Variants in CD36 observed in about 807,000 individuals in gnomAD.
CD36 encodes the protein platelet glycoprotein 4.
A neutral mutation model predicts 55.2 loss-of-function variants in CD36; 119 were observed. The observed-to-expected ratio is 2.15, with a 90% CI of 1.86 to 2.51. The LOEUF (loss-of-function observed/expected upper bound fraction) is 2.51, where lower values mean the gene tolerates loss of function less well. CD36 is among the 30% of genes most tolerant of loss of function. The probability of loss-of-function intolerance (pLI) is 0.00; values close to 1 mark genes in which losing one functional copy is unlikely to be tolerated. For synonymous variants in CD36, 186 were observed against 193.6 expected, an observed-to-expected ratio of 0.96 and a Z score of 0.33; for missense variants, 819 against 555.5, an observed-to-expected ratio of 1.47 and a Z score of -4.77.
chr7:80,651,657 T>A (rs190909971), intron 3 of CD36, among the ~76,000 whole-genome samples: 43 of 152,226 alleles, frequency 2.8e-4, no homozygotes, highest in African/African-American at 7.0e-4. Flanking sequence ...CCTATAATCC[T>A]AGTACTTCGG....
At chr7:80,637,655 TCTAACTTAAGGA>T (rs1415179669), upstream of CD36, among the ~76,000 whole-genome samples, 19 of 152,108 alleles carry the variant, frequency 1.2e-4, no homozygotes, top group African/African-American at 3.6e-4. Flanking sequence ...GCACGAGCAT[TCTAACTTAAGGA>T]CTGGTTTAAA....
At chr7:80,670,311 G>GCA (rs1259293735) in intron 9 of CD36, 5 of 413,704 alleles carry the variant, frequency 1.2e-5, no homozygotes, top group Non-Finnish European at 2.2e-5. Context: ...AGAAGATGAT[G>GCA]CAAATGTAAC....
intron 3 of CD36, among the ~76,000 whole-genome samples, chr7:80,648,971 G>T (rs1299729885): frequency 6.6e-6 from 1 of 152,054 alleles, no homozygotes; most frequent in Non-Finnish European, 1.5e-5. Context: ...TTAACATGGG[G>T]TTAGAGTTAG....
rs916088055 is a variant in CD36 at position 80,613,272 on chromosome 7, CTT to C, written c.-184+10894_-184+10895del. Among the ~76,000 whole-genome samples, 6 of 151,954 alleles carry C rather than the reference CTT, an allele frequency of 3.9e-5. No homozygotes were observed. In the South Asian group the frequency reaches 1.0e-3, roughly 26 times the overall value. On this transcript the variant is annotated intron_variant, in intron 1 of 13. Transcript: ENST00000309881. ...TCAAAGTTTCAGTGCCATATGTAAA[CTT>C]AAGTTTCTCTATTTTTTCTTTTTGC... is the stretch of plus-strand genomic sequence containing the variant.
chr7:80,610,943 A>G (rs1476926279), intron 1 of CD36, among the ~76,000 whole-genome samples: 2 of 151,820 alleles, frequency 1.3e-5, no homozygotes, highest in African/African-American at 2.4e-5. Flanking sequence ...TGGCACAATC[A>G]TAGCTCACTG....
chr7:80,668,355 C>T (rs1797320579), intron 8 of CD36, among the ~76,000 whole-genome samples: 1 of 152,086 alleles, frequency 6.6e-6, no homozygotes, highest in Non-Finnish European at 1.5e-5. Context: ...GGAATTTGGA[C>T]AGAGCAGGGG....
chr7:80,636,462 T>A (rs1794410292), upstream of CD36, among the ~76,000 whole-genome samples: 1 of 149,430 alleles, frequency 6.7e-6, no homozygotes, highest in East Asian at 2.0e-4. Context: ...CAAGTCAATA[T>A]AACTAGGGCC....
At chr7:80,674,680 G>A (rs1376459559) in intron 14 of CD36, among the ~76,000 whole-genome samples, 1 of 151,982 alleles carries the variant, frequency 6.6e-6, no homozygotes, top group Non-Finnish European at 1.5e-5. Flanking sequence ...TTAGATATTA[G>A]TGTCCATGCA....
At chr7:80,676,039 C>T (rs1243045813) in intron 14 of CD36, 1 of 152,062 alleles carries the variant, frequency 6.6e-6, no homozygotes, top group African/African-American at 2.4e-5. Flanking sequence ...GAGAACTTCT[C>T]TCTGCAGCTA....
At chr7:80,625,205 T>C (rs962453546) in intron 1 of CD36, among the ~76,000 whole-genome samples, 4 of 152,128 alleles carry the variant, frequency 2.6e-5, no homozygotes, top group Non-Finnish European at 5.9e-5. Flanking sequence ...CTACACGGAA[T>C]GATACTGGGA....
intron 1 of CD36, among the ~76,000 whole-genome samples, chr7:80,628,959 C>A (rs1432719904): frequency 6.6e-6 from 1 of 152,044 alleles, no homozygotes; most frequent in Non-Finnish European, 1.5e-5. Context: ...ATCAGATAAG[C>A]TTTTATCTCA....
chr7:80,640,726 A>G (rs1794750622), intron 1 of CD36, among the ~76,000 whole-genome samples: 1 of 152,094 alleles, frequency 6.6e-6, no homozygotes, highest in African/African-American at 2.4e-5. Context: ...TTTCAAACCT[A>G]CAGTAATCCC....
intron 8 of CD36, 71 bp from the exon 9 acceptor site, chr7:80,669,882 A>C: frequency 7.1e-6 from 7 of 982,080 alleles, no homozygotes; most frequent in Non-Finnish European, 1.2e-5. Flanking sequence ...ACTACACTGG[A>C]GGAGAGATTT....
chr7:80,673,755 T>TTGA, intron 13 of CD36: 1 of 583,478 alleles, frequency 1.7e-6, no homozygotes, highest in Non-Finnish European at 3.0e-6. Context: ...TGTTGACCCT[T>TTGA]TGATAGTTCT....
At chr7:80,670,716 T>C in intron 9 of CD36, 1 of 468,872 alleles carries the variant, frequency 2.1e-6, no homozygotes, top group Non-Finnish European at 3.8e-6. Context: ...GTCCTATAAA[T>C]ATTTACTCTA....
Position 80,642,515 on chromosome 7 carries a change from G to A in CD36, c.-183-3573G>A, listed in dbSNP as rs1362120962. Among the ~76,000 whole-genome samples, 6 of 152,172 alleles carry A rather than the reference G, an allele frequency of 3.9e-5. No homozygotes were observed. The East Asian group carries it at 9.6e-4, about 24-fold the overall frequency. Reference sequence around the variant, plus strand: ...CTTTTCTCTTTTGTATTTGGTGCACGTCTTACGTAGTATGGGTGGTTCTCC... The same window carrying A: ...CTTTTCTCTTTTGTATTTGGTGCACATCTTACGTAGTATGGGTGGTTCTCC... On this transcript the variant is annotated intron_variant, in intron 1 of 14. Transcript: ENST00000447544.
Position 80,650,251 on chromosome 7 carries a change from G to A in CD36, c.120+3391G>A, listed in dbSNP as rs965766490. On this transcript the variant is annotated intron_variant, in intron 3 of 14. Coordinates refer to ENST00000447544, the MANE Select transcript of CD36 (RefSeq NM_001001548.3). ...ATCCTTATATTGGTCAAGATGTATG[G>A]TACATTTAAGGCTAAGCTTCTTTTT... Among the ~76,000 whole-genome samples the A allele has an allele frequency of 1.6e-4, 25 of 152,134 alleles. 1 individual carries two copies. The highest frequency in any genetic ancestry group is 5.1e-4 in the African/African-American group (21 of 41,538).
At chr7:80,643,967 A>C (rs1468359312) in intron 1 of CD36, among the ~76,000 whole-genome samples, 1 of 152,216 alleles carries the variant, frequency 6.6e-6, no homozygotes, top group Admixed American at 6.5e-5. Flanking sequence ...TATGTACCTA[A>C]TAAACTACCC....
At chr7:80,654,581 T>C (rs1425340993) in intron 3 of CD36, among the ~76,000 whole-genome samples, 1 of 152,176 alleles carries the variant, frequency 6.6e-6, no homozygotes, top group Non-Finnish European at 1.5e-5. Context: ...TCCATAATGC[T>C]TTAAGCAATT....
Sources: gnomAD v4.1 joint callset for allele counts (sites outside exome capture counted in the v4.1 genomes callset) on GRCh38, gnomAD v4.1.1 for gene constraint, MANE v1.5 for transcripts, NCBI Gene and HGNC (gene_info 2026-07-23, HGNC 2026-07-21) for gene names.